The following PRICKLE2 variants were observed in gnomAD, a reference collection of about 807,000 sequenced individuals.
PRICKLE2 encodes prickle-like protein 2.
A neutral mutation model predicts 81.4 loss-of-function variants in PRICKLE2; 21 were observed. The ratio of observed to expected loss-of-function variants is 0.26; its 90% CI spans 0.18 to 0.37. The LOEUF is 0.37. Ranked by LOEUF, PRICKLE2 falls within the 10% of genes least tolerant of loss-of-function variation. The pLI is 1.00. For synonymous variants in PRICKLE2, 456 were observed against 421.5 expected, an observed-to-expected ratio of 1.08 and a Z score of -1.00; for missense variants, 940 against 1,109.0, an observed-to-expected ratio of 0.85 and a Z score of 2.16.
chr3:64,134,677 C>G (rs1410741266), intron 7 of PRICKLE2, among the ~76,000 whole-genome samples: 1 of 148,172 alleles, frequency 6.7e-6, no homozygotes, highest in Non-Finnish European at 1.5e-5. Context: ...CCCCACCCAT[C>G]TCTGTTGAGA....
chr3:64,162,388 TC>T (rs1426610622), intron 3 of PRICKLE2, among the ~76,000 whole-genome samples: 1 of 152,060 alleles, frequency 6.6e-6, no homozygotes, highest in African/African-American at 2.4e-5. Context: ...TTATGAGCAA[TC>T]AGATTTCGAG....
intron 7 of PRICKLE2, among the ~76,000 whole-genome samples, chr3:64,139,243 T>C (rs978334992): frequency 3.4e-4 from 52 of 152,216 alleles, no homozygotes; most frequent in African/African-American, 1.2e-3. Flanking sequence ...AGGAAGCCCT[T>C]TCAGATTCCT....
At chr3:64,248,341 C>G (rs528809597) in intron 2 of PRICKLE2, among the ~76,000 whole-genome samples, 107 of 152,268 alleles carry the variant, frequency 7.0e-4, no homozygotes, top group African/African-American at 2.5e-3. Context: ...ACTTGCCAGT[C>G]AACTCAAAGG....
intron 2 of PRICKLE2, among the ~76,000 whole-genome samples, chr3:64,239,137 C>T (rs1282063327): frequency 6.6e-6 from 1 of 152,152 alleles, no homozygotes; most frequent in Non-Finnish European, 1.5e-5. Flanking sequence ...CAGGCATGCA[C>T]CTCACAGCCG....
At chr3:64,119,994 G>A (rs2077000099) in intron 7 of PRICKLE2, among the ~76,000 whole-genome samples, 1 of 152,172 alleles carries the variant, frequency 6.6e-6, no homozygotes, top group South Asian at 2.1e-4. Context: ...CTTGTAAGTG[G>A]GAGGTAAACA....
rs775727925 is a variant in PRICKLE2, at chr3:64,099,683, A to C, written c.1903T>G (p.Ser635Ala). ...SNPIGYRDLQ[S>A]HGRMHQSFDF... ...AAGCTCTGATGCATCCTTCCGTGGG[A>C]CTGCAGGTCTCTGTAGCCAATGGGG... Residue 635 changes from serine to alanine, a missense_variant, in exon 8 of 8, where the codon TCC (serine) becomes GCC (alanine). Around this residue, in one of 2 missense-constraint regions of PRICKLE2, gnomAD observed 670 missense variants for 717.2 expected, o/e 0.93. Coordinates refer to ENST00000638394, the MANE Select transcript of PRICKLE2 (RefSeq NM_198859.4). The surrounding 1 kb of genome is among the most constrained non-coding windows in gnomAD (Gnocchi z 4.3). The C allele has an allele frequency of 1.2e-6, 2 of 1,614,046 alleles. No individual in the cohort carries two copies. Among genetic ancestry groups the C allele is most frequent in the African/African-American group, 2.7e-5 (2 of 74,934 alleles).
At chr3:64,138,202 T>C (rs555666885) in intron 7 of PRICKLE2, among the ~76,000 whole-genome samples, 2 of 151,920 alleles carry the variant, frequency 1.3e-5, no homozygotes, top group African/African-American at 4.8e-5. Context: ...TGATTTCCCT[T>C]TGAACATTCT....
intron 6 of PRICKLE2, among the ~76,000 whole-genome samples, chr3:64,149,480 C>T (rs2077509700): frequency 6.6e-6 from 1 of 152,222 alleles, no homozygotes; most frequent in African/African-American, 2.4e-5. Context: ...GGGCCCCTTC[C>T]CGTGGGGAGA....
intron 3 of PRICKLE2, among the ~76,000 whole-genome samples, chr3:64,162,471 T>A (rs2077750752): frequency 6.6e-6 from 1 of 152,276 alleles, no homozygotes; most frequent in South Asian, 2.1e-4. Context: ...GTCCACACTT[T>A]CAAGAGTACA....
In PRICKLE2 at chr3:64,179,276, AT is replaced by A. The variant is rs377687145; in HGVS notation, c.145-16148del. On this transcript the variant is annotated intron_variant, in intron 2 of 7. Coordinates refer to ENST00000638394, the MANE Select transcript of PRICKLE2 (RefSeq NM_198859.4). ...TTTTTAGTAGAGATGGGGTTTCTCCATGTTGGTCAGGCTGGACTCGAACTCA... is the reference window on the plus strand; with the variant it reads ...TTTTTAGTAGAGATGGGGTTTCTCCAGTTGGTCAGGCTGGACTCGAACTCA... 7.2e-5 allele frequency among the ~76,000 whole-genome samples: 11 copies of A among 152,030 alleles called. No individual in the cohort carries two copies. In the South Asian group the frequency reaches 1.5e-3, roughly 20 times the overall value.
intron 2 of PRICKLE2, among the ~76,000 whole-genome samples, chr3:64,176,586 T>C (rs974217815): frequency 6.6e-6 from 1 of 152,198 alleles, no homozygotes; most frequent in African/African-American, 2.4e-5. Flanking sequence ...AAGAATTCTT[T>C]TTGCAAGAGA....
intron 7 of PRICKLE2, chr3:64,103,467 A>G (rs954311217): frequency 6.6e-6 from 1 of 152,232 alleles, no homozygotes; most frequent in Non-Finnish European, 1.5e-5. Flanking sequence ...ATTTATATGA[A>G]GTTCAAGAAC....
chr3:64,225,457 C>CT lies in PRICKLE2; in HGVS notation c.-589dup, dbSNP rs1246312288. The CT allele has an allele frequency of 3.0e-6, 3 of 985,146 alleles. No homozygotes were observed. Among genetic ancestry groups the CT allele is most frequent in the Non-Finnish European group, 3.6e-6 (3 of 829,932 alleles). 61.0% of individuals were successfully genotyped at this position (985,146 alleles called of 1,614,324 possible). A position where few individuals can be genotyped will look rare whatever the true frequency, so the allele number is the denominator to read the frequency against. On this transcript the variant is annotated 5_prime_UTR_variant, in exon 1 of 8. Coordinates refer to ENST00000638394, the MANE Select transcript of PRICKLE2 (RefSeq NM_198859.4). Reference sequence around the variant, plus strand: ...GCTGCTGGTGGTGCCTGAGAAGTCGCTGTTGCAGTGCTTGCATCCTCCGCA... The same window carrying CT: ...GCTGCTGGTGGTGCCTGAGAAGTCGCTTGTTGCAGTGCTTGCATCCTCCGCA...
At chr3:64,142,297 T>TTTTC (rs1252147596) in intron 7 of PRICKLE2, among the ~76,000 whole-genome samples, 19 of 138,604 alleles carry the variant, frequency 1.4e-4, no homozygotes, top group African/African-American at 2.1e-4. Context: ...TGCAGGAGTA[T>TTTTC]TTTCTTTCTT....
upstream of PRICKLE2, among the ~76,000 whole-genome samples, chr3:64,227,524 G>A (rs1442091163): frequency 6.6e-6 from 1 of 152,164 alleles, no homozygotes; most frequent in African/African-American, 2.4e-5. Flanking sequence ...AACATAGCAA[G>A]AGATTACTCT....
At chr3:64,172,659 T>C (rs2077953221) in intron 2 of PRICKLE2, among the ~76,000 whole-genome samples, 1 of 152,252 alleles carries the variant, frequency 6.6e-6, no homozygotes, top group Non-Finnish European at 1.5e-5. Context: ...AGCAGTCTAA[T>C]GCATAATTCA....
At chr3:64,178,173 G>A (rs1575624361) in intron 2 of PRICKLE2, among the ~76,000 whole-genome samples, 1 of 152,156 alleles carries the variant, frequency 6.6e-6, no homozygotes, top group East Asian at 1.9e-4. Flanking sequence ...ATCTTTTCAT[G>A]TGCTTATCAG....
intron 2 of PRICKLE2, among the ~76,000 whole-genome samples, chr3:64,177,326 A>G (rs2078043740): frequency 6.6e-6 from 1 of 151,662 alleles, no homozygotes. Flanking sequence ...TAATAGAGAC[A>G]GGGTCTCACC....
chr3:64,100,370 G>T, intron 7 of PRICKLE2: 1 of 169,070 alleles, frequency 5.9e-6, no homozygotes, highest in South Asian at 1.5e-4. Context: ...GCTGTTTCTG[G>T]CAATACCAAA....
Sources: allele counts gnomAD v4.1 joint callset (sites outside exome capture counted in the v4.1 genomes callset), GRCh38; gene constraint gnomAD v4.1.1; regional missense constraint gnomAD v4.1.1; non-coding constraint Gnocchi (gnomAD v3.1); transcripts MANE v1.5; gene names NCBI Gene and HGNC (gene_info 2026-07-23, HGNC 2026-07-21).